RAI1: variants seen among roughly 807,000 people sequenced by gnomAD.
The protein encoded by RAI1 is retinoic acid-induced protein 1.
In RAI1, 9 loss-of-function variants were observed where a neutral mutation model predicts 123.8. The observed-to-expected ratio is 0.07, with a 90% CI of 0.04 to 0.13. The LOEUF (loss-of-function observed/expected upper bound fraction) is 0.13. RAI1 is among the 10% of genes least tolerant of loss of function. The probability of loss-of-function intolerance (pLI) is 1.00; values close to 1 mark genes in which losing one functional copy is unlikely to be tolerated. For missense variants in RAI1, 2,256 were observed against 2,545.8 expected (o/e 0.89, Z 2.45); for synonymous variants, 1,231 against 1,127.3 (o/e 1.09, Z -1.84).
intron 4 of RAI1, among the ~76,000 whole-genome samples, chr17:17,805,879 G>C (rs1212498875): frequency 1.3e-5 from 2 of 151,966 alleles, no homozygotes; most frequent in Non-Finnish European, 1.5e-5. Context: ...GATTAACTTA[G>C]CGCCCGCTCC....
At chr17:17,745,106 G>C (rs1168894998) in intron 2 of RAI1, among the ~76,000 whole-genome samples, 1 of 152,166 alleles carries the variant, frequency 6.6e-6, no homozygotes. Context: ...CCACAAAGGA[G>C]GGAACTAACT....
At chr17:17,721,710 G>A (rs1397424269) in intron 1 of RAI1, among the ~76,000 whole-genome samples, 1 of 152,226 alleles carries the variant, frequency 6.6e-6, no homozygotes, top group Non-Finnish European at 1.5e-5. Flanking sequence ...TATACACAAT[G>A]CGCATCTCCT....
intron 4 of RAI1, among the ~76,000 whole-genome samples, chr17:17,808,836 G>T (rs1198542916): frequency 1.3e-5 from 2 of 152,168 alleles, no homozygotes; most frequent in Non-Finnish European, 2.9e-5. Flanking sequence ...GGAGACTGAG[G>T]CTCAGAGAAG....
chr17:17,802,506 G>C (rs139578003), intron 3 of RAI1, among the ~76,000 whole-genome samples: 4,585 of 152,154 alleles, frequency 0.03, 240 homozygotes, highest in African/African-American at 0.1. Context: ...GCCAGGCGCG[G>C]TGGCTCACGC....
chr17:17,738,329 G>A (rs1473183300), intron 2 of RAI1, among the ~76,000 whole-genome samples: 1 of 151,208 alleles, frequency 6.6e-6, no homozygotes, highest in Non-Finnish European at 1.5e-5. Flanking sequence ...GGTGTGAGTG[G>A]GGCGGGCTGG....
At position 17,720,311 on chromosome 17, in the gene RAI1, G is replaced by A. The variant is rs574158080; in HGVS notation, c.-148-3717G>A. ...TCCAGAACACAGCCTCACCTCACCA[G>A]GAAGGACTGGGCCCTTTAAAACCTG... On this transcript the variant is annotated intron_variant, in intron 1 of 5. Coordinates refer to ENST00000353383, the MANE Select transcript of RAI1 (RefSeq NM_030665.4). Among the ~76,000 whole-genome samples, 3 of 152,314 alleles carry A rather than the reference G, an allele frequency of 2.0e-5. No individual in the cohort carries two copies. The East Asian group carries it at 5.8e-4, about 29-fold the overall frequency.
rs763852650 is a variant in RAI1, at chr17:17,793,172, CCGA to C, written c.226_228del (p.Asp76del). ...TCTGGCACTGCAGCCGCGGTGGCCG[CCGA>C]CAAGTACCACCGAGGCAGCAAGGCC... On this transcript the variant is annotated inframe_deletion, in exon 3 of 6. Transcript: ENST00000353383. 3.1e-5 allele frequency: 50 copies of C among 1,613,282 alleles called. No individual in the cohort carries two copies. The highest frequency in any genetic ancestry group is 4.4e-5 in the South Asian group (4 of 91,028).
At chr17:17,750,460 G>C (rs2030110811) in intron 2 of RAI1, among the ~76,000 whole-genome samples, 1 of 152,132 alleles carries the variant, frequency 6.6e-6, no homozygotes, top group Admixed American at 6.5e-5. Flanking sequence ...GGTGGCTCAT[G>C]CCTGTAATCC....
At chr17:17,774,291 G>A (rs1365364610) in intron 2 of RAI1, among the ~76,000 whole-genome samples, 2 of 152,248 alleles carry the variant, frequency 1.3e-5, no homozygotes, top group African/African-American at 4.8e-5. Flanking sequence ...AAGTTGGGGT[G>A]ACTCACCTGA....
In RAI1 at chr17:17,796,758, C is replaced by A; in HGVS notation, c.3810C>A (p.Phe1270Leu). 6.2e-7 allele frequency: 1 copy of A among 1,613,322 alleles called. No individual in the cohort carries two copies. The highest frequency in any genetic ancestry group is 8.5e-7 in the Non-Finnish European group (1 of 1,179,836). Reference sequence around the variant, plus strand: ...GGCCTGAGGGTTCCCCCACCCTCTTCAAGAGGATGTCTTCTCCCAAGAAAG... The same window carrying A: ...GGCCTGAGGGTTCCCCCACCCTCTTAAAGAGGATGTCTTCTCCCAAGAAAG... Reference protein sequence around the residue: ...EERPEGSPTLFKRMSSPKKAK... With the variant: ...EERPEGSPTLLKRMSSPKKAK... Residue 1270 changes from phenylalanine to leucine, a missense_variant, in exon 3 of 6, where the codon TTC becomes TTA. Phe to Leu is a conservative substitution (Grantham distance 22, BLOSUM62 0). Around this residue, in one of 7 missense-constraint regions of RAI1, gnomAD observed 322 missense variants for 358.0 expected, o/e 0.90. Transcript: ENST00000353383. The surrounding 1 kb of genome is among the most constrained non-coding windows in gnomAD (Gnocchi z 5.8).
intron 2 of RAI1, chr17:17,765,751 C>A (rs2030901150): frequency 6.6e-6 from 1 of 152,228 alleles, no homozygotes; most frequent in Admixed American, 6.5e-5. Context: ...TGCCTCTGTT[C>A]CCCACTCTTG....
chr17:17,794,053 A>T lies in RAI1; in HGVS notation c.1105A>T (p.Asn369Tyr), dbSNP rs1405093021. The change falls in exon 3 of 6, where the codon AAC becomes TAC. Residue 369 changes from asparagine to tyrosine, a missense_variant. Asn to Tyr is a moderately radical substitution (Grantham distance 143). This residue lies in a region of RAI1 where 357 missense variants were observed against 480.2 expected (regional missense o/e 0.74). Transcript: ENST00000353383. ...TPSPLMPNLE[N>Y]FPYSQQPLST... ...GTCGCCGCTGATGCCAAACCTGGAGAACTTTCCCTACAGCCAGCAGCCGCT... is the reference window on the plus strand; with the variant it reads ...GTCGCCGCTGATGCCAAACCTGGAGTACTTTCCCTACAGCCAGCAGCCGCT... The T allele has an allele frequency of 6.2e-7, 1 of 1,613,666 alleles. No individual in the cohort carries two copies. Among genetic ancestry groups the T allele is most frequent in the Non-Finnish European group, 8.5e-7 (1 of 1,179,964 alleles).
At chr17:17,682,784 T>C (rs769110883) in intron 1 of RAI1, among the ~76,000 whole-genome samples, 1 of 152,088 alleles carries the variant, frequency 6.6e-6, no homozygotes, top group Non-Finnish European at 1.5e-5. Flanking sequence ...TTGGTCGTTA[T>C]CCAGTCCACG....
At chr17:17,735,726 G>A (rs1916412758) in intron 2 of RAI1, among the ~76,000 whole-genome samples, 1 of 152,216 alleles carries the variant, frequency 6.6e-6, no homozygotes, top group Non-Finnish European at 1.5e-5. Context: ...GGTAGTGAGT[G>A]CCCCATCTTA....
At chr17:17,725,239 C>G (rs1363925004) in intron 2 of RAI1, among the ~76,000 whole-genome samples, 1 of 152,078 alleles carries the variant, frequency 6.6e-6, no homozygotes, top group African/African-American at 2.4e-5. Context: ...TCAGGCACGT[C>G]GAGGGCCCCT....
chr17:17,798,599 G>C, intron 3 of RAI1, 86 bp downstream of exon 3: 1 of 1,560,414 alleles, frequency 6.4e-7, no homozygotes, highest in South Asian at 1.2e-5. Flanking sequence ...TGTTTCTAGT[G>C]CTACAGTGTG....
chr17:17,796,670 T>C lies in RAI1; in HGVS notation c.3722T>C (p.Leu1241Ser), dbSNP rs749612885. 8.1e-6 allele frequency: 13 copies of C among 1,612,468 alleles called. No homozygotes were observed. In the South Asian group the frequency reaches 1.2e-4, roughly 15 times the overall value. The part of the protein sequence containing the change: ...PVPTKKRNLV[L>S]RSRSSSSSNA... ...CCCACCAAGAAGCGGAACCTGGTCT[T>C]GCGGAGCCGCAGCAGCAGCAGCAGC... Residue 1241 changes from leucine (L) to serine (S), a missense_variant, in exon 3 of 6, where the codon TTG (leucine) becomes TCG (serine). Leu to Ser is a moderately radical substitution (Grantham distance 145, BLOSUM62 -2). This residue lies in a region of RAI1 where 322 missense variants were observed against 358.0 expected (regional missense o/e 0.90). Coordinates refer to ENST00000353383, the MANE Select transcript of RAI1 (RefSeq NM_030665.4). The surrounding 1 kb of genome is among the most constrained non-coding windows in gnomAD (Gnocchi z 5.8).
chr17:17,810,430 C>A lies in RAI1; in HGVS notation c.*449C>A. 4.4e-6 allele frequency: 1 copy of A among 227,660 alleles called. No homozygotes were observed. The highest frequency in any genetic ancestry group is 5.4e-5 in the South Asian group (1 of 18,388). 14.1% of individuals were successfully genotyped at this position (227,660 alleles called of 1,614,324 possible). ...GTGGCGTGCAGCTGGGAGCCCTGGG[C>A]TTGGGGGTGGGGGTCGAAACAGTAC... On this transcript the variant is annotated 3_prime_UTR_variant, in exon 6 of 6. Transcript: ENST00000353383. The surrounding 1 kb of genome is among the most constrained non-coding windows in gnomAD (Gnocchi z 4.6).
chr17:17,781,241 C>T (rs1372911612), intron 2 of RAI1, among the ~76,000 whole-genome samples: 1 of 152,222 alleles, frequency 6.6e-6, no homozygotes, highest in African/African-American at 2.4e-5. Context: ...TCCAACCTTC[C>T]GTCCTCTGTG....
Sources: allele counts gnomAD v4.1 joint callset (sites outside exome capture counted in the v4.1 genomes callset), GRCh38; gene constraint gnomAD v4.1.1; regional missense constraint gnomAD v4.1.1; non-coding constraint Gnocchi (gnomAD v3.1); transcripts MANE v1.5; gene names NCBI Gene and HGNC (gene_info 2026-07-23, HGNC 2026-07-21).